CCNY: variants seen among roughly 807,000 people sequenced by gnomAD.
CCNY encodes cyclin Y.
CCNY carries 19 observed loss-of-function variants against 42.8 expected under a neutral mutation model. The ratio of observed to expected loss-of-function variants is 0.44; its 90% confidence interval spans 0.31 to 0.65. The LOEUF (loss-of-function observed/expected upper bound fraction) is 0.65. Ranked by LOEUF, CCNY falls within the 30% of genes least tolerant of loss-of-function variation. The probability of loss-of-function intolerance (pLI) is 0.07; values close to 1 mark genes in which losing one functional copy is unlikely to be tolerated. For synonymous variants in CCNY, 165 were observed against 162.7 expected (o/e 1.01, Z -0.11); for missense variants, 370 against 437.3 (o/e 0.85, Z 1.37).
chr10:35,517,884 A>T (rs1840462766), intron 4 of CCNY, among the ~76,000 whole-genome samples: 1 of 152,202 alleles, frequency 6.6e-6, no homozygotes, highest in African/African-American at 2.4e-5. Context: ...TACCTTTGGA[A>T]GTATTTTCCA....
At chr10:35,565,889 A>T in intron 8 of CCNY, 134 bp from the exon 9 acceptor site, 1 of 871,700 alleles carries the variant, frequency 1.1e-6, no homozygotes, top group Non-Finnish European at 1.8e-6. Context: ...TGGTCTAACC[A>T]GACATTTACT....
chr10:35,398,016 G>A (rs112565220), intron 1 of CCNY, among the ~76,000 whole-genome samples: 1 of 152,206 alleles, frequency 6.6e-6, no homozygotes, highest in African/African-American at 2.4e-5. Flanking sequence ...TCTCTGAGCA[G>A]TGCTGGAGGA....
intron 3 of CCNY, among the ~76,000 whole-genome samples, chr10:35,509,969 C>A (rs1472470105): frequency 6.6e-6 from 1 of 152,160 alleles, no homozygotes; most frequent in Admixed American, 6.5e-5. Context: ...CCCAGCCTCC[C>A]CTCCACTTCT....
chr10:35,337,237 G>A (rs1836061571), intron 1 of CCNY, 30 bp downstream of exon 1: 1 of 1,468,522 alleles, frequency 6.8e-7, no homozygotes, highest in African/African-American at 1.4e-5. Context: ...CCCCCTACCC[G>A]CCCCCGCGGC....
At chr10:35,423,907 C>T (rs574470271) in intron 1 of CCNY, among the ~76,000 whole-genome samples, 1 of 152,296 alleles carries the variant, frequency 6.6e-6, no homozygotes, top group South Asian at 2.1e-4. Context: ...AAGAGTTTTT[C>T]AGATAGTATC....
rs1158017203 is a variant in CCNY at position 35,392,743 on chromosome 10, T to G, written c.154+55536T>G. Among the ~76,000 whole-genome samples the G allele has an allele frequency of 2.6e-5, 4 of 152,168 alleles. No individual in the cohort carries two copies. In the East Asian group the frequency reaches 7.7e-4, roughly 29 times the overall value. On this transcript the variant is annotated intron_variant, in intron 1 of 9. Coordinates refer to ENST00000374704, the MANE Select transcript of CCNY (RefSeq NM_145012.6). ...CACCGCAGAGTTGGGAGTGGAGAAG[T>G]GACATGACCAGGTGACAGGACTGGT...
At chr10:35,468,611 C>G (rs1274505959) in intron 1 of CCNY, among the ~76,000 whole-genome samples, 3 of 151,882 alleles carry the variant, frequency 2.0e-5, no homozygotes, top group African/African-American at 7.3e-5. Context: ...TTTTGAGTTT[C>G]TTGACTCTTG....
In CCNY at chr10:35,506,549, TTTC is replaced by T. The variant is rs373071749; in HGVS notation, c.264+5021_264+5023del. On this transcript the variant is annotated intron_variant, in intron 3 of 9. Transcript: ENST00000374704. The stretch of plus-strand genomic sequence containing the variant: ...CTTTCTCTTTTCTTACCTCTTTCTG[TTTC>T]TTCTTCACCCCTTCTTCCCTTTCTT... 1.7e-4 allele frequency among the ~76,000 whole-genome samples: 26 copies of T among 152,290 alleles called. No individual in the cohort carries two copies. In the East Asian group the frequency reaches 4.3e-3, roughly 25 times the overall value.
chr10:35,565,206 T>C (rs1159264145), intron 8 of CCNY, among the ~76,000 whole-genome samples: 1 of 152,252 alleles, frequency 6.6e-6, no homozygotes, highest in Admixed American at 6.5e-5. Context: ...AACATGTAGA[T>C]GGGTTGGCAG....
intron 2 of CCNY, among the ~76,000 whole-genome samples, chr10:35,487,158 T>C (rs189162967): frequency 6.6e-6 from 1 of 152,360 alleles, no homozygotes; most frequent in Admixed American, 6.5e-5. Context: ...GATAAACTTA[T>C]ATTTCCATTA....
At chr10:35,362,949 G>C (rs1289986022) in intron 1 of CCNY, among the ~76,000 whole-genome samples, 3 of 151,208 alleles carry the variant, frequency 2.0e-5, no homozygotes, top group African/African-American at 7.3e-5. Flanking sequence ...GATGGTCGGT[G>C]GCCGTACAGA....
intron 1 of CCNY, among the ~76,000 whole-genome samples, chr10:35,422,215 A>AT (rs1406189092): frequency 6.6e-6 from 1 of 152,164 alleles, no homozygotes; most frequent in African/African-American, 2.4e-5. Flanking sequence ...TCAATAAAAC[A>AT]TTATTCTATA....
chr10:35,543,939 CTT>C (rs1221665035), intron 7 of CCNY, among the ~76,000 whole-genome samples: 3 of 152,036 alleles, frequency 2.0e-5, no homozygotes, highest in African/African-American at 7.2e-5. Flanking sequence ...TAAAAACTAA[CTT>C]AAATATAAAA....
At chr10:35,272,971 G>A (rs1835192118) in intron 3 of CCNY, among the ~76,000 whole-genome samples, 1 of 151,030 alleles carries the variant, frequency 6.6e-6, no homozygotes, top group Non-Finnish European at 1.5e-5. Flanking sequence ...TCTGACTGGT[G>A]TGAGATGGTA....
intron 1 of CCNY, among the ~76,000 whole-genome samples, chr10:35,397,641 G>GT (rs1352597971): frequency 6.6e-6 from 1 of 152,188 alleles, no homozygotes; most frequent in Non-Finnish European, 1.5e-5. Context: ...AATGAACCCT[G>GT]TCCCTGGGAC....
intron 1 of CCNY, chr10:35,347,493 CTG>C (rs764927496): frequency 8.8e-6 from 8 of 912,222 alleles, no homozygotes; most frequent in African/African-American, 1.8e-5. Flanking sequence ...TGTTTCAAAA[CTG>C]TGAGTGCAGT....
chr10:35,515,634 A>C (rs1232915339), intron 3 of CCNY, among the ~76,000 whole-genome samples: 2 of 152,210 alleles, frequency 1.3e-5, no homozygotes, highest in Non-Finnish European at 2.9e-5. Flanking sequence ...TTAGACATTC[A>C]ACATAGCATC....
At position 35,525,968 on chromosome 10, in the gene CCNY, G is replaced by T; in HGVS notation, c.370G>T (p.Ala124Ser). ...CTCTGCATTCTATTTTTACAGTGTC[G>T]CTCTTGCAATATATTATCACATCAA... ...PNLKYTIKCV[A>S]LAIYYHIKNR... The change falls in exon 5 of 10, where the codon GCT (alanine) becomes TCT (serine). Residue 124 changes from alanine to serine, a missense_variant. Coordinates refer to ENST00000374704, the MANE Select transcript of CCNY (RefSeq NM_145012.6). 1.9e-6 allele frequency: 3 copies of T among 1,611,726 alleles called. No homozygotes were observed. The highest frequency in any genetic ancestry group is 2.2e-5 in the South Asian group (2 of 90,702).
chr10:35,552,382 T>C, intron 7 of CCNY, among the ~76,000 whole-genome samples: 1 of 152,192 alleles, frequency 6.6e-6, no homozygotes, highest in East Asian at 1.9e-4. Flanking sequence ...AATTATTATT[T>C]AACGGGTATA....
Sources: gnomAD v4.1 joint callset for allele counts (sites outside exome capture counted in the v4.1 genomes callset) on GRCh38, gnomAD v4.1.1 for gene constraint, MANE v1.5 for transcripts, NCBI Gene and HGNC (gene_info 2026-07-23, HGNC 2026-07-21) for gene names.